NUDT22: variants seen among roughly 807,000 people sequenced by gnomAD.
NUDT22 encodes uridine diphosphate glucose pyrophosphatase NUDT22.
Under a neutral mutation model 28.8 loss-of-function variants are expected in NUDT22, and 23 were observed. The observed-to-expected ratio is 0.80, with a 90% CI of 0.58 to 1.13. NUDT22 has a LOEUF of 1.13. Among genes scored for constraint, NUDT22 ranks in the 50% most tolerant of loss-of-function variants. NUDT22 has a pLI of 0.00. For synonymous variants in NUDT22, 175 were observed against 173.7 expected, an observed-to-expected ratio of 1.01 and a Z score of -0.06; for missense variants, 358 against 387.3, an observed-to-expected ratio of 0.92 and a Z score of 0.64.
At chr11:64,227,191 C>G in intron 2 of NUDT22, 59 bp downstream of exon 2, 1 of 1,526,928 alleles carries the variant, frequency 6.5e-7, no homozygotes, top group Admixed American at 1.9e-5. Flanking sequence ...CAGCTCTCCA[C>G]CCTCCCAATC....
chr11:64,228,245 G>A (rs1309931961), intron 3 of NUDT22, among the ~76,000 whole-genome samples: 1 of 151,302 alleles, frequency 6.6e-6, no homozygotes, highest in Non-Finnish European at 1.5e-5. Context: ...TGCAGTGGTG[G>A]CATATCGGCT....
intron 5 of NUDT22, 139 bp downstream of exon 5, chr11:64,229,710 A>G (rs1947139935): frequency 7.4e-7 from 1 of 1,359,782 alleles, no homozygotes; most frequent in Non-Finnish European, 1.0e-6. Context: ...GTGCAAGGGA[A>G]AGGTCCAGGG....
Position 64,226,330 on chromosome 11 carries a change from C to T in NUDT22, c.-116C>T, listed in dbSNP as rs372906028. On this transcript the variant is annotated 5_prime_UTR_variant, in exon 1 of 6. Transcript: ENST00000279206. ...CCCGCTGGAGGCTGGAGCTTCCGGG[C>T]CCTGGAAAGGGGTCCCCGCGCGCCC... The T allele has an allele frequency of 3.4e-6, 4 of 1,176,120 alleles. No individual in the cohort carries two copies. The highest frequency in any genetic ancestry group is 4.3e-6 in the Non-Finnish European group (4 of 938,800). 72.9% of individuals were successfully genotyped at this position (1,176,120 alleles called of 1,614,324 possible).
chr11:64,226,863 A>G lies in NUDT22; in HGVS notation c.211A>G (p.Ile71Val), dbSNP rs1251365640. The change falls in exon 2 of 6, where the codon ATT (isoleucine) becomes GTT (valine). Residue 71 changes from isoleucine to valine, a missense_variant. Coordinates refer to ENST00000279206, the MANE Select transcript of NUDT22 (RefSeq NM_032344.4). Reference sequence around the variant, plus strand: ...CCTGCACTCAGCCACCCTGGCGCCTATTGGCTCTCGGGGGCCACAGCTGCT... The same window carrying G: ...CCTGCACTCAGCCACCCTGGCGCCTGTTGGCTCTCGGGGGCCACAGCTGCT... ...FRLHSATLAP[I>V]GSRGPQLLLR... 2 of 1,606,556 alleles carry G rather than the reference A, an allele frequency of 1.2e-6. No individual in the cohort carries two copies. Among genetic ancestry groups the G allele is most frequent in the Non-Finnish European group, 1.7e-6 (2 of 1,179,870 alleles).
At chr11:64,226,507 G>A (rs571910309) in intron 1 of NUDT22, 80 bp downstream of exon 1, 1 of 1,476,042 alleles carries the variant, frequency 6.8e-7, no homozygotes, top group Admixed American at 2.5e-5. Flanking sequence ...ACTGCCCAAG[G>A]AGTGGTCAGG....
In NUDT22 at chr11:64,226,290, G is replaced by A. The variant is rs1481707548; in HGVS notation, c.-156G>A. 4 of 822,052 alleles carry A rather than the reference G, an allele frequency of 4.9e-6. No individual in the cohort carries two copies. In the Admixed American group the frequency reaches 1.3e-4, roughly 27 times the overall value. The allele number at this position is 822,052 out of a possible 1,614,324, so 50.9% of individuals were successfully genotyped here. A position where few individuals can be genotyped will look rare whatever the true frequency, so the allele number is the denominator to read the frequency against. ...GGAAGGGGCGGAGCCTGAGGGACCC[G>A]GCGGCTGGTGAGCGCCCGCTGGAGG... On this transcript the variant is annotated 5_prime_UTR_variant, in exon 1 of 6. Transcript: ENST00000279206.
At position 64,226,277 on chromosome 11, in the gene NUDT22, G is replaced by A. The variant is rs544731460; in HGVS notation, c.-169G>A. 1.8e-5 allele frequency: 12 copies of A among 683,932 alleles called. No individual in the cohort carries two copies. In the Admixed American group the frequency reaches 2.6e-4, roughly 15 times the overall value. 42.4% of individuals were successfully genotyped at this position (683,932 alleles called of 1,614,324 possible). ...ACTTCCGCTTCGGGGAAGGGGCGGA[G>A]CCTGAGGGACCCGGCGGCTGGTGAG... On this transcript the variant is annotated 5_prime_UTR_variant, in exon 1 of 6. Coordinates refer to ENST00000279206, the MANE Select transcript of NUDT22 (RefSeq NM_032344.4).
At position 64,226,831 on chromosome 11, in the gene NUDT22, A is replaced by C; in HGVS notation, c.179A>C (p.Lys60Thr). ...KAQPWLFDAP[K>T]FRLHSATLAP... ...CAACCCTGGCTCTTCGACGCCCCCAAGTTCCGCCTGCACTCAGCCACCCTG... is the reference window on the plus strand; with the variant it reads ...CAACCCTGGCTCTTCGACGCCCCCACGTTCCGCCTGCACTCAGCCACCCTG... Residue 60 changes from lysine to threonine, a missense_variant, in exon 2 of 6, where the codon AAG becomes ACG. By Grantham distance (78) the Lys-to-Thr change is moderately conservative (BLOSUM62 -1). Coordinates refer to ENST00000279206, the MANE Select transcript of NUDT22 (RefSeq NM_032344.4). 6.2e-7 allele frequency: 1 copy of C among 1,609,062 alleles called. No homozygotes were observed. Among genetic ancestry groups the C allele is most frequent in the Non-Finnish European group, 8.5e-7 (1 of 1,179,856 alleles).
chr11:64,227,602 A>C lies in NUDT22; in HGVS notation c.515A>C (p.Asp172Ala). The stretch of plus-strand genomic sequence containing the variant: ...CCTGGTGGCAGCCCCCAGCACCAGG[A>C]CCTCGCTGGGCAGCTGGTGGTACAT... ...LCPGGSPQHQDLAGQLVVHEL... is the reference protein window; with the variant it reads ...LCPGGSPQHQALAGQLVVHEL... The change falls in exon 3 of 6, where the codon GAC (aspartate) becomes GCC (alanine). Residue 172 changes from aspartate to alanine, a missense_variant. Physicochemically the swap from Asp to Ala is moderately radical, Grantham distance 126 (BLOSUM62 -2). Coordinates refer to ENST00000279206, the MANE Select transcript of NUDT22 (RefSeq NM_032344.4). 6.2e-7 allele frequency: 1 copy of C among 1,613,940 alleles called. No homozygotes were observed. The highest frequency in any genetic ancestry group is 2.2e-5 in the East Asian group (1 of 44,876).
At position 64,229,287 on chromosome 11, in the gene NUDT22, T is replaced by G. The variant is rs765892522; in HGVS notation, c.620T>G (p.Leu207Trp). 1.9e-6 allele frequency: 3 copies of G among 1,598,864 alleles called. No individual in the cohort carries two copies. The highest frequency in any genetic ancestry group is 1.7e-5 in the Admixed American group (1 of 57,774). ...PLLTLSQPLL[L>W]GIARNETSAG... ...CTCACCCTGAGCCAGCCCCTGCTGT[T>G]GGGCATCGCCCGAAATGAGACCAGT... The change falls in exon 4 of 6, where the codon TTG becomes TGG. Residue 207 changes from leucine (L) to tryptophan (W), a missense_variant. Leu to Trp is a moderately conservative substitution (Grantham distance 61). Transcript: ENST00000279206.
At chr11:64,228,291 T>TC (rs1947104487) in intron 3 of NUDT22, among the ~76,000 whole-genome samples, 1 of 151,396 alleles carries the variant, frequency 6.6e-6, no homozygotes, top group Non-Finnish European at 1.5e-5. Context: ...CAAGTGATTC[T>TC]CATGCCTTGC....
Position 64,229,503 on chromosome 11 carries a change from A to G in NUDT22, c.703A>G (p.Arg235Gly). ...VQCSLTSEQV[R>G]KHYLSGGPEA... ...GTGCAGCCTGACTTCTGAGCAGGTG[A>G]GGAAGCACTACCTGAGTGGGGGACC... The change falls in exon 5 of 6, where the codon AGG (arginine) becomes GGG (glycine). Residue 235 changes from arginine to glycine, a missense_variant. Transcript: ENST00000279206. 6.2e-7 allele frequency: 1 copy of G among 1,614,198 alleles called. No individual in the cohort carries two copies. The highest frequency in any genetic ancestry group is 8.5e-7 in the Non-Finnish European group (1 of 1,180,010).
chr11:64,229,303 T>C lies in NUDT22; in HGVS notation c.636T>C (p.Asn212=). Residue 212 remains asparagine, a synonymous_variant, in exon 4 of 6, where the codon AAT becomes AAC. Transcript: ENST00000279206. ...SQPLLLGIAR[N]ETSAGRASAE... is the part of the protein sequence containing the mutation. ...CCCTGCTGTTGGGCATCGCCCGAAA[T>C]GAGACCAGTGCTGGCCGAGCCAGTG... The C allele has an allele frequency of 6.2e-7, 1 of 1,604,980 alleles. No homozygotes were observed. Among genetic ancestry groups the C allele is most frequent in the South Asian group, 1.1e-5 (1 of 90,034 alleles).
At chr11:64,228,663 C>CA (rs150514489) in intron 3 of NUDT22, 4 of 149,436 alleles carry the variant, frequency 2.7e-5, no homozygotes, top group Non-Finnish European at 5.9e-5. Context: ...GACTCCGTCT[C>CA]AAAAAAAAGA....
At position 64,229,357 on chromosome 11, in the gene NUDT22, G is replaced by T; in HGVS notation, c.677+13G>T. The T allele has an allele frequency of 6.2e-7, 1 of 1,612,604 alleles. No homozygotes were observed. The highest frequency in any genetic ancestry group is 1.1e-5 in the South Asian group (1 of 90,946). ...AGTTCTATGTCCAGTGAGTAGGCTC[G>T]GGTACATGATCCTGGGTCTTGGGAA... On this transcript the variant is annotated intron_variant, in intron 4 of 5. Transcript: ENST00000279206.
chr11:64,226,596 G>GC lies in NUDT22; in HGVS notation c.-18-33dup, dbSNP rs560988188. The GC allele has an allele frequency of 1.6e-4, 239 of 1,521,422 alleles. 3 individuals carry two copies. In the South Asian group the frequency reaches 2.4e-3, roughly 15 times the overall value. The allele number at this position is 1,521,422 out of a possible 1,614,324, so 94.2% of individuals were successfully genotyped here. On this transcript the variant is annotated intron_variant, in intron 1 of 5. Coordinates refer to ENST00000279206, the MANE Select transcript of NUDT22 (RefSeq NM_032344.4). ...GCTGCGCAGCCCAGGAGTGGTAGTGGCCCCCCTGGATGACAGGCCTGGCCG... is the reference window on the plus strand; with the variant it reads ...GCTGCGCAGCCCAGGAGTGGTAGTGGCCCCCCCTGGATGACAGGCCTGGCCG...
chr11:64,227,618 G>A lies in NUDT22; in HGVS notation c.531G>A (p.Leu177=), dbSNP rs1280801617. Residue 177 remains leucine, a synonymous_variant, in exon 3 of 6, where the codon CTG becomes CTA. Coordinates refer to ENST00000279206, the MANE Select transcript of NUDT22 (RefSeq NM_032344.4). Reference sequence around the variant, plus strand: ...AGCACCAGGACCTCGCTGGGCAGCTGGTGGTACATGAACTCTTTTCCAGTG... The same window carrying A: ...AGCACCAGGACCTCGCTGGGCAGCTAGTGGTACATGAACTCTTTTCCAGTG... ...SPQHQDLAGQ[L]VVHELFSSVL... 1 of 1,613,984 alleles carries A rather than the reference G, an allele frequency of 6.2e-7. No individual in the cohort carries two copies. Among genetic ancestry groups the A allele is most frequent in the Non-Finnish European group, 8.5e-7 (1 of 1,180,018 alleles).
rs1313151792 is a variant in NUDT22, at chr11:64,226,287, C to G, written c.-159C>G. 2.6e-6 allele frequency: 2 copies of G among 784,104 alleles called. No homozygotes were observed. Among genetic ancestry groups the G allele is most frequent in the African/African-American group, 1.8e-5 (1 of 55,132 alleles). The allele number at this position is 784,104 out of a possible 1,614,324, so 48.6% of individuals were successfully genotyped here. ...CGGGGAAGGGGCGGAGCCTGAGGGA[C>G]CCGGCGGCTGGTGAGCGCCCGCTGG... On this transcript the variant is annotated 5_prime_UTR_variant, in exon 1 of 6. Transcript: ENST00000279206.
At chr11:64,228,387 G>T (rs1045022137) in intron 3 of NUDT22, among the ~76,000 whole-genome samples, 1 of 151,962 alleles carries the variant, frequency 6.6e-6, no homozygotes, top group Non-Finnish European at 1.5e-5. Flanking sequence ...GTAAGTGGCC[G>T]GGCGCCGTGG....
Sources: allele counts gnomAD v4.1 joint callset (sites outside exome capture counted in the v4.1 genomes callset), GRCh38; gene constraint gnomAD v4.1.1; transcripts MANE v1.5; gene names NCBI Gene and HGNC (gene_info 2026-07-23, HGNC 2026-07-21).